Variants in CEP83 observed in about 807,000 individuals in gnomAD.
The protein encoded by CEP83 is centrosomal protein of 83 kDa.
In CEP83, 70 loss-of-function variants were observed where a neutral mutation model predicts 101.9. The ratio of observed to expected loss-of-function variants is 0.69; its 90% CI spans 0.57 to 0.84. CEP83 has a LOEUF of 0.84. Ranked by LOEUF, CEP83 falls within the 40% of genes least tolerant of loss-of-function variation. The pLI is 0.00. For missense variants in CEP83, 715 were observed against 787.2 expected (o/e 0.91, Z 1.10); for synonymous variants, 264 against 267.9 (o/e 0.99, Z 0.14).
chr12:94,389,790 A>G (rs1036105037), intron 6 of CEP83, among the ~76,000 whole-genome samples: 13 of 152,238 alleles, frequency 8.5e-5, no homozygotes, highest in Non-Finnish European at 2.9e-5. Flanking sequence ...CCAAGGTCTT[A>G]GCAACCAGCA....
the CEP83 span, chr12:94,298,874 T>C: frequency 5.9e-5 from 80 of 1,346,490 alleles, no homozygotes; most frequent in Admixed American, 1.4e-4. Context: ...TAGATAGTTA[T>C]AGAAGGATTC....
intron 1 of CEP83, among the ~76,000 whole-genome samples, chr12:94,438,782 A>T (rs1425615208): frequency 2.6e-5 from 4 of 152,188 alleles, no homozygotes; most frequent in Non-Finnish European, 4.4e-5. Context: ...ACCACAAAAC[A>T]AGTCTCAATA....
chr12:94,319,934 T>C (rs1053137971), intron 14 of CEP83, among the ~76,000 whole-genome samples: 9 of 152,318 alleles, frequency 5.9e-5, no homozygotes, highest in African/African-American at 1.7e-4. Context: ...AAGGATTTAA[T>C]ACTGTCAGTG....
intron 1 of CEP83, among the ~76,000 whole-genome samples, chr12:94,448,237 A>C (rs747371059): frequency 2.9e-4 from 44 of 152,192 alleles, no homozygotes; most frequent in Non-Finnish European, 5.3e-4. Flanking sequence ...CATAATGAAA[A>C]CAGGGTCACT....
chr12:94,381,704 G>T (rs2061859156), intron 6 of CEP83, among the ~76,000 whole-genome samples: 1 of 152,018 alleles, frequency 6.6e-6, no homozygotes, highest in African/African-American at 2.4e-5. Flanking sequence ...TAAAGATATT[G>T]CTTTACTGTC....
At position 94,345,245 on chromosome 12, in the gene CEP83, C is replaced by T. The variant is rs115921867; in HGVS notation, c.1344-9581G>A. 7.3e-3 allele frequency among the ~76,000 whole-genome samples: 1,104 copies of T among 152,044 alleles called. 12 individuals carry two copies. Among genetic ancestry groups the T allele is most frequent in the African/African-American group, 0.025 (1,037 of 41,464 alleles). ...TTGAAGAGAACACAAAAAATACAAA[C>T]AAGAAAAAAATTGATAAAGTGGTGT... On this transcript the variant is annotated intron_variant, in intron 11 of 16. Transcript: ENST00000397809.
chr12:94,404,240 A>G (rs1367613664), intron 4 of CEP83, among the ~76,000 whole-genome samples: 2 of 152,334 alleles, frequency 1.3e-5, no homozygotes, highest in East Asian at 1.9e-4. Flanking sequence ...ATACACACAA[A>G]TAACTATAAA....
intron 6 of CEP83, among the ~76,000 whole-genome samples, chr12:94,394,319 C>CT (rs1185122451): frequency 3.3e-5 from 5 of 152,066 alleles, no homozygotes; most frequent in Admixed American, 3.3e-4. Flanking sequence ...GAAATAATAC[C>CT]ACACATCTAC....
the CEP83 span, among the ~76,000 whole-genome samples, chr12:94,268,737 G>C: frequency 0.042 from 6,386 of 151,788 alleles, 205 homozygotes; most frequent in African/African-American, 0.085. Flanking sequence ...TGGGATTATA[G>C]GCACCTGCCA....
rs73214107 is a variant in CEP83, at chr12:94,359,774, C to T, written c.1343+8020G>A. The stretch of plus-strand genomic sequence containing the variant: ...TTGAAAGGGAGAGGATTCTTCCAAA[C>T]TCTACGAGGCCAGCATTACCCTGAC... On this transcript the variant is annotated intron_variant, in intron 11 of 16. Transcript: ENST00000397809. Among the ~76,000 whole-genome samples the T allele has an allele frequency of 1.8e-3, 267 of 152,180 alleles. 1 individual carries two copies. Among genetic ancestry groups the T allele is most frequent in the Admixed American group, 3.3e-3 (50 of 15,286 alleles).
chr12:94,451,210 G>T (rs372850827), intron 1 of CEP83, among the ~76,000 whole-genome samples: 94 of 152,184 alleles, frequency 6.2e-4, no homozygotes, highest in African/African-American at 2.2e-3. Context: ...GCTCAAAGAA[G>T]ACCTTTGGGA....
At chr12:94,293,155 G>A in the CEP83 span, among the ~76,000 whole-genome samples, 3 of 152,154 alleles carry the variant, frequency 2.0e-5, no homozygotes, top group Admixed American at 6.5e-5. Context: ...TACCCATGTG[G>A]CGTGTAACAG....
chr12:94,298,596 T>C, the CEP83 span: 1 of 1,541,368 alleles, frequency 6.5e-7, no homozygotes, highest in South Asian at 1.2e-5. Context: ...TACCACAGTT[T>C]TTAATCTCCC....
intron 2 of CEP83, among the ~76,000 whole-genome samples, chr12:94,429,276 G>A (rs1047778868): frequency 2.6e-5 from 4 of 152,108 alleles, no homozygotes; most frequent in African/African-American, 4.8e-5. Context: ...ATGCCCAGGG[G>A]TCCACATTCC....
chr12:94,318,940 A>C (rs1971156059), intron 14 of CEP83, among the ~76,000 whole-genome samples: 1 of 152,160 alleles, frequency 6.6e-6, no homozygotes, highest in Admixed American at 6.5e-5. Context: ...TTTGGGAAGG[A>C]TTTCCTGCTC....
chr12:94,420,576 G>GT (rs1032043346), intron 2 of CEP83, among the ~76,000 whole-genome samples: 28 of 151,830 alleles, frequency 1.8e-4, no homozygotes, highest in Non-Finnish European at 2.7e-4. Flanking sequence ...GTTTTGCATG[G>GT]TTTTTTTTGT....
intron 11 of CEP83, among the ~76,000 whole-genome samples, chr12:94,348,523 A>C (rs1352150587): frequency 6.6e-6 from 1 of 152,062 alleles, no homozygotes; most frequent in Non-Finnish European, 1.5e-5. Context: ...GCAGATTGTG[A>C]CATGCGACAA....
chr12:94,304,143 C>T (rs1968766892), downstream of CEP83: 3 of 809,558 alleles, frequency 3.7e-6, no homozygotes, highest in Admixed American at 5.5e-5. Flanking sequence ...GCTCTGGCAT[C>T]CCAAAAGGCC....
chr12:94,280,800 T>C, the CEP83 span, among the ~76,000 whole-genome samples: 1 of 152,208 alleles, frequency 6.6e-6, no homozygotes, highest in African/African-American at 2.4e-5. Context: ...GTCCTGCCGC[T>C]GATGAGTAGG....
Sources: gnomAD v4.1 joint callset for allele counts (sites outside exome capture counted in the v4.1 genomes callset) on GRCh38, gnomAD v4.1.1 for gene constraint, MANE v1.5 for transcripts, NCBI Gene and HGNC (gene_info 2026-07-23, HGNC 2026-07-21) for gene names.